The following RAPGEF6 variants were observed in gnomAD, a reference collection of about 807,000 sequenced individuals.
RAPGEF6 encodes PDZ domain containing guanine nucleotide exchange factor (GEF) 2.
Under a neutral mutation model 171.4 loss-of-function variants are expected in RAPGEF6, and 56 were observed. The ratio of observed to expected loss-of-function variants is 0.33; its 90% CI spans 0.26 to 0.41. The LOEUF (loss-of-function observed/expected upper bound fraction) is 0.41. Among genes scored for constraint, RAPGEF6 ranks in the 10% least tolerant of loss-of-function variants. The pLI is 1.00. For synonymous variants in RAPGEF6, 692 were observed against 650.1 expected, an observed-to-expected ratio of 1.06 and a Z score of -0.98; for missense variants, 1,674 against 1,921.4, an observed-to-expected ratio of 0.87 and a Z score of 2.41.
intron 1 of RAPGEF6, among the ~76,000 whole-genome samples, chr5:131,632,402 A>T (rs1280037768): frequency 6.6e-6 from 1 of 152,208 alleles, no homozygotes; most frequent in East Asian, 1.9e-4. Context: ...ATCAAAAATC[A>T]TCTTCTCAAC....
intron 1 of RAPGEF6, among the ~76,000 whole-genome samples, chr5:131,605,814 A>T (rs1407740518): frequency 6.6e-6 from 1 of 151,902 alleles, no homozygotes; most frequent in African/African-American, 2.4e-5. Flanking sequence ...GCGGAACATG[A>T]GGTCAGGAGA....
At chr5:131,505,954 G>A (rs1316975296) in intron 9 of RAPGEF6, among the ~76,000 whole-genome samples, 3 of 152,124 alleles carry the variant, frequency 2.0e-5, no homozygotes, top group African/African-American at 7.2e-5. Flanking sequence ...CACATACACT[G>A]TGCTTAGAAT....
At chr5:131,595,929 G>T (rs1763870539) in intron 3 of RAPGEF6, among the ~76,000 whole-genome samples, 1 of 152,186 alleles carries the variant, frequency 6.6e-6, no homozygotes, top group Non-Finnish European at 1.5e-5. Flanking sequence ...GAGACAGGCA[G>T]ATCACTTGAG....
intron 4 of RAPGEF6, among the ~76,000 whole-genome samples, chr5:131,575,001 C>G (rs1762525690): frequency 6.6e-6 from 1 of 152,166 alleles, no homozygotes; most frequent in African/African-American, 2.4e-5. Context: ...CAGGTTGGTT[C>G]AGGATCTTCG....
In RAPGEF6 at chr5:131,628,632, G is replaced by C. The variant is rs1007414828; in HGVS notation, c.69+6330C>G. ...TATATCAGAAGAAGATGCCACCTAA[G>C]ACTTCCATAACTAGAGAGGAGAAAT... is the stretch of plus-strand genomic sequence containing the variant. On this transcript the variant is annotated intron_variant, in intron 1 of 27. Coordinates refer to ENST00000509018, the MANE Select transcript of RAPGEF6 (RefSeq NM_016340.6). Among the ~76,000 whole-genome samples, 3 of 152,288 alleles carry C rather than the reference G, an allele frequency of 2.0e-5. No homozygotes were observed. In the South Asian group the frequency reaches 6.2e-4, roughly 32 times the overall value.
intron 3 of RAPGEF6, among the ~76,000 whole-genome samples, chr5:131,600,837 A>G (rs1357563907): frequency 1.3e-5 from 2 of 152,178 alleles, no homozygotes; most frequent in Admixed American, 1.3e-4. Flanking sequence ...GAGGAGAAAC[A>G]AAGAAAATCT....
chr5:131,436,335 G>C (rs1489979260), intron 24 of RAPGEF6: 3 of 1,537,604 alleles, frequency 2.0e-6, no homozygotes, highest in Non-Finnish European at 2.6e-6. Context: ...TTCCGGGGCA[G>C]CTCTGGCCAC....
chr5:131,481,579 C>G (rs540353054), intron 15 of RAPGEF6, among the ~76,000 whole-genome samples: 2 of 152,262 alleles, frequency 1.3e-5, no homozygotes, highest in African/African-American at 4.8e-5. Context: ...ATTATTTCAT[C>G]CTTAATGAGG....
chr5:131,442,680 GT>G (rs1752462708), intron 22 of RAPGEF6, 143 bp from the exon 23 acceptor site: 1 of 1,309,450 alleles, frequency 7.6e-7, no homozygotes, highest in African/African-American at 1.5e-5. Context: ...AGGAATTTCA[GT>G]TAAGTACTAT....
intron 18 of RAPGEF6, chr5:131,463,722 T>C (rs942159336): frequency 3.0e-5 from 30 of 993,834 alleles, no homozygotes; most frequent in Non-Finnish European, 3.0e-5. Flanking sequence ...AAAAGAACTG[T>C]GAAAACCATG....
At position 131,635,056 on chromosome 5, in the gene RAPGEF6, C is replaced by G. The variant is rs375973194; in HGVS notation, c.-26G>C. ...GGCCACGGCCCGGGTACTCCGCAGC[C>G]TGCCCTTAGCAGCCCACGCCACAGT... On this transcript the variant is annotated 5_prime_UTR_variant, in exon 1 of 28. Transcript: ENST00000509018. 1.4e-5 allele frequency: 23 copies of G among 1,588,788 alleles called. No individual in the cohort carries two copies. The highest frequency in any genetic ancestry group is 2.0e-5 in the Non-Finnish European group (23 of 1,163,236).
intron 4 of RAPGEF6, among the ~76,000 whole-genome samples, chr5:131,565,023 A>G (rs1441913465): frequency 1.3e-5 from 2 of 152,134 alleles, no homozygotes; most frequent in African/African-American, 4.8e-5. Context: ...CTATTAAAAT[A>G]CGTATTTTAT....
At chr5:131,434,102 C>T (rs929018010) in intron 24 of RAPGEF6, among the ~76,000 whole-genome samples, 15 of 152,164 alleles carry the variant, frequency 9.9e-5, no homozygotes, top group Admixed American at 9.2e-4. Flanking sequence ...CAAATACCAT[C>T]TTGAAGTAAG....
chr5:131,562,702 T>G (rs1158116832), intron 4 of RAPGEF6, among the ~76,000 whole-genome samples: 2 of 152,210 alleles, frequency 1.3e-5, no homozygotes, highest in Non-Finnish European at 2.9e-5. Context: ...CATAAATAGT[T>G]GTTATGCTTT....
At chr5:131,621,171 C>T (rs139669863) in intron 1 of RAPGEF6, among the ~76,000 whole-genome samples, 59 of 152,340 alleles carry the variant, frequency 3.9e-4, no homozygotes, top group East Asian at 3.9e-3. Context: ...TCCTTGGTAT[C>T]CACTGGGTTC....
intron 11 of RAPGEF6, among the ~76,000 whole-genome samples, chr5:131,501,870 T>C (rs1417578401): frequency 6.6e-6 from 1 of 152,138 alleles, no homozygotes. Context: ...TATAAAGTTA[T>C]AGATGTGTAT....
intron 4 of RAPGEF6, among the ~76,000 whole-genome samples, chr5:131,577,697 G>A (rs191141809): frequency 6.6e-6 from 1 of 152,298 alleles, no homozygotes; most frequent in East Asian, 1.9e-4. Flanking sequence ...CCGTCCGCCT[G>A]CAGGACCCTC....
chr5:131,491,283 A>C (rs1305189392), intron 14 of RAPGEF6, among the ~76,000 whole-genome samples: 2 of 152,146 alleles, frequency 1.3e-5, no homozygotes, highest in African/African-American at 4.8e-5. Flanking sequence ...AAGTCATAAT[A>C]ATAAAAAATA....
chr5:131,572,875 C>T lies in RAPGEF6; in HGVS notation c.282-10828G>A, dbSNP rs79792751. Among the ~76,000 whole-genome samples, 1,104 of 152,278 alleles carry T rather than the reference C, an allele frequency of 7.2e-3. 13 individuals are homozygous for T. The highest frequency in any genetic ancestry group is 0.025 in the African/African-American group (1,023 of 41,540). On this transcript the variant is annotated intron_variant, in intron 4 of 27. Coordinates refer to ENST00000509018, the MANE Select transcript of RAPGEF6 (RefSeq NM_016340.6). ...CCCCAATACAAACTCGACAATAGTT[C>T]CAAGTGGCCAGAGAAATGGCACTTT...
Sources: gnomAD v4.1 joint callset for allele counts (sites outside exome capture counted in the v4.1 genomes callset) on GRCh38, gnomAD v4.1.1 for gene constraint, MANE v1.5 for transcripts, NCBI Gene and HGNC (gene_info 2026-07-23, HGNC 2026-07-21) for gene names.